ADAT3: variants seen among roughly 807,000 people sequenced by gnomAD.
ADAT3 encodes tRNA-specific adenosine-34 deaminase regulatory subunit ADAT3.
Under a neutral mutation model 3.5 loss-of-function variants are expected in ADAT3, and 2 were observed. The observed-to-expected ratio is 0.57, with a 90% CI of 0.23 to 1.79. The LOEUF is 1.79. Among genes scored for constraint, ADAT3 ranks in the 40% most tolerant of loss-of-function variants. ADAT3 has a pLI of 0.18. For synonymous variants in ADAT3, 358 were observed against 270.3 expected (o/e 1.32, Z -3.18); for missense variants, 735 against 571.4 (o/e 1.29, Z -2.92).
At position 1,913,213 on chromosome 19, in the gene ADAT3, T is replaced by C; in HGVS notation, c.*62T>C. 1.4e-6 allele frequency: 2 copies of C among 1,457,034 alleles called. No individual in the cohort carries two copies. The highest frequency in any genetic ancestry group is 1.8e-6 in the Non-Finnish European group (2 of 1,104,936). The allele number at this position is 1,457,034 out of a possible 1,614,324, so 90.3% of individuals were successfully genotyped here. A position where few individuals can be genotyped will look rare whatever the true frequency, so the allele number is the denominator to read the frequency against. On this transcript the variant is annotated 3_prime_UTR_variant, in exon 2 of 2. Coordinates refer to ENST00000329478, the MANE Select transcript of ADAT3 (RefSeq NM_138422.4). The stretch of plus-strand genomic sequence containing the variant: ...GGCCGTGGGGCGCCCCTCCTGGACT[T>C]CCGGGCCTCGATTTCTTCCGCACAA...
intron 1 of ADAT3, among the ~76,000 whole-genome samples, chr19:1,909,660 C>T (rs568847377): frequency 1.3e-5 from 2 of 152,306 alleles, no homozygotes; most frequent in South Asian, 2.1e-4. Flanking sequence ...GAGGTTCTCA[C>T]CCGAGAGCCG....
At chr19:1,911,268 C>T (rs545360665) in intron 1 of ADAT3, among the ~76,000 whole-genome samples, 1 of 152,110 alleles carries the variant, frequency 6.6e-6, no homozygotes, top group East Asian at 1.9e-4. Flanking sequence ...AATTTCCGGC[C>T]TCAAGTGCTC....
Position 1,912,403 on chromosome 19 carries a change from C to T in ADAT3, c.356C>T (p.Pro119Leu), listed in dbSNP as rs1430965718. 5.3e-6 allele frequency: 8 copies of T among 1,515,280 alleles called. No individual in the cohort carries two copies. Among genetic ancestry groups the T allele is most frequent in the East Asian group, 5.2e-5 (2 of 38,218 alleles). 93.9% of individuals were successfully genotyped at this position (1,515,280 alleles called of 1,614,324 possible). Residue 119 changes from proline (P) to leucine (L), a missense_variant, in exon 2 of 2, where the codon CCG (proline) becomes CTG (leucine). Coordinates refer to ENST00000329478, the MANE Select transcript of ADAT3 (RefSeq NM_138422.4). ...TGCCTGGCTGGGCCGGCCTCGGGCC[C>T]GCGCTCGCTGGCTGAGCTCCTGCCA... ...LLCLAGPASG[P>L]RSLAELLPRP...
Position 1,908,695 on chromosome 19 carries a change from C to T in ADAT3, c.-158-3195C>T, listed in dbSNP as rs4806818. The T allele has an allele frequency of 0.5, 202,694 of 408,916 alleles. 56,083 individuals are homozygous for T. The highest frequency in any genetic ancestry group is 0.61 in the Non-Finnish European group (125,527 of 205,240). 25.3% of individuals were successfully genotyped at this position (408,916 alleles called of 1,614,324 possible). A position where few individuals can be genotyped will look rare whatever the true frequency, so the allele number is the denominator to read the frequency against. On this transcript the variant is annotated intron_variant, in intron 1 of 1. Coordinates refer to ENST00000329478, the MANE Select transcript of ADAT3 (RefSeq NM_138422.4). The surrounding 1 kb of genome is among the most constrained non-coding windows in gnomAD (Gnocchi z 4.2). Reference sequence around the variant, plus strand: ...TTATTTGAAAAAAGGAACAGGGTCTCTCTATCTTGCCCACGTTGGTCTCAA... The same window carrying T: ...TTATTTGAAAAAAGGAACAGGGTCTTTCTATCTTGCCCACGTTGGTCTCAA...
Position 1,912,766 on chromosome 19 carries a change from C to G in ADAT3, c.719C>G (p.Ala240Gly), listed in dbSNP as rs1212965737. The stretch of plus-strand genomic sequence containing the variant: ...TGCGCGGACAACCCCCTCCTGCACG[C>G]CGTCATGGTGTGCGTGGACCTCGTG... ...CSCADNPLLH[A>G]VMVCVDLVAR... The change falls in exon 2 of 2, where the codon GCC becomes GGC. Residue 240 changes from alanine to glycine, a missense_variant. Transcript: ENST00000329478. 4 of 1,560,736 alleles carry G rather than the reference C, an allele frequency of 2.6e-6. No individual in the cohort carries two copies. In the Admixed American group the frequency reaches 7.3e-5, roughly 29 times the overall value.
intron 1 of ADAT3, chr19:1,907,184 C>CAA (rs952315196): frequency 1.5e-5 from 2 of 135,308 alleles, no homozygotes; most frequent in Non-Finnish European, 1.6e-5. Flanking sequence ...GAGACTGTCC[C>CAA]AAAAAAAAAA....
Position 1,912,987 on chromosome 19 carries a change from C to G in ADAT3, c.940C>G (p.Leu314Val), listed in dbSNP as rs76159002. 1.9e-6 allele frequency: 3 copies of G among 1,609,082 alleles called. No individual in the cohort carries two copies. The highest frequency in any genetic ancestry group is 2.5e-6 in the Non-Finnish European group (3 of 1,179,322). Residue 314 changes from leucine (L) to valine (V), a missense_variant, in exon 2 of 2, where the codon CTG becomes GTG. Coordinates refer to ENST00000329478, the MANE Select transcript of ADAT3 (RefSeq NM_138422.4). ...REPCAMCAMA[L>V]VHARILRVFY... is the part of the protein sequence containing the mutation. ...GCCCTGCGCCATGTGCGCCATGGCC[C>G]TGGTGCACGCACGCATCCTGCGCGT...
rs760797955 is a variant in ADAT3, at chr19:1,913,025, G to A, written c.978G>A (p.Ala326=). 1.4e-5 allele frequency: 22 copies of A among 1,605,038 alleles called. No individual in the cohort carries two copies. The highest frequency in any genetic ancestry group is 4.5e-5 in the East Asian group (2 of 44,850). The stretch of plus-strand genomic sequence containing the variant: ...GCATCCTGCGCGTCTTCTACGGTGC[G>A]CCCTCGCCCGACGGCGCCCTGGGCA... ...HARILRVFYG[A]PSPDGALGTR... The change falls in exon 2 of 2, where the codon GCG becomes GCA. Residue 326 remains alanine (A), a synonymous_variant. Coordinates refer to ENST00000329478, the MANE Select transcript of ADAT3 (RefSeq NM_138422.4).
Position 1,908,471 on chromosome 19 carries a change from G to C in ADAT3, c.-159+3032G>C, listed in dbSNP as rs773012581. Reference sequence around the variant, plus strand: ...CTGCGCGGCTGCGAAATGATCCAGAGACACATCCCTGTCTGCGGGAGGAGC... The same window carrying C: ...CTGCGCGGCTGCGAAATGATCCAGACACACATCCCTGTCTGCGGGAGGAGC... On this transcript the variant is annotated intron_variant, in intron 1 of 1. Transcript: ENST00000329478. The surrounding 1 kb of genome is among the most constrained non-coding windows in gnomAD (Gnocchi z 4.2). The C allele has an allele frequency of 3.0e-5, 14 of 470,858 alleles. No individual in the cohort carries two copies. The highest frequency in any genetic ancestry group is 2.2e-4 in the South Asian group (14 of 64,570). 29.2% of individuals were successfully genotyped at this position (470,858 alleles called of 1,614,324 possible).
At position 1,913,266 on chromosome 19, in the gene ADAT3, AC is replaced by A; in HGVS notation, c.*117del. 1 of 1,394,388 alleles carries A rather than the reference AC, an allele frequency of 7.2e-7. No individual in the cohort carries two copies. The highest frequency in any genetic ancestry group is 1.5e-5 in the South Asian group (1 of 65,910). 86.4% of individuals were successfully genotyped at this position (1,394,388 alleles called of 1,614,324 possible). A position where few individuals can be genotyped will look rare whatever the true frequency, so the allele number is the denominator to read the frequency against. On this transcript the variant is annotated 3_prime_UTR_variant, in exon 2 of 2. Coordinates refer to ENST00000329478, the MANE Select transcript of ADAT3 (RefSeq NM_138422.4). ...CTGACCGTGGATTTCAGGGACACAT[AC>A]CGCCTCCAGCGGGGAGCACGGGTGC...
chr19:1,913,408 G>T lies in ADAT3; in HGVS notation c.*257G>T, dbSNP rs2013607692. ...TGTGTCCCCTCTGTCTCGCGGGCCGGGAAACTGCTCTGATGGGAAAATAAA... is the reference window on the plus strand; with the variant it reads ...TGTGTCCCCTCTGTCTCGCGGGCCGTGAAACTGCTCTGATGGGAAAATAAA... On this transcript the variant is annotated 3_prime_UTR_variant, in exon 2 of 2. Transcript: ENST00000329478. The T allele has an allele frequency of 6.8e-6, 4 of 591,092 alleles. No individual in the cohort carries two copies. The allele number at this position is 591,092 out of a possible 1,614,324, so 36.6% of individuals were successfully genotyped here.
intron 1 of ADAT3, among the ~76,000 whole-genome samples, 184 bp from the exon 2 acceptor site, chr19:1,911,706 C>T (rs1337771186): frequency 1.3e-5 from 2 of 152,132 alleles, no homozygotes; most frequent in Admixed American, 6.5e-5. Context: ...TAGCTTGAAC[C>T]CGGGAGGCGG....
rs771938043 is a variant in ADAT3, at chr19:1,912,155, G to C, written c.108G>C (p.Glu36Asp). ...AGTGCTTGGAGGCCGGGAGCCCGGA[G>C]CCTGAGCCGGCGCCGTGGCAGGCCC... ...QPKCLEAGSPEPEPAPWQALP... is the reference protein window; with the variant it reads ...QPKCLEAGSPDPEPAPWQALP... The change falls in exon 2 of 2, where the codon GAG becomes GAC. Residue 36 changes from glutamate to aspartate, a missense_variant. Glu to Asp is a conservative substitution (Grantham distance 45). Transcript: ENST00000329478. The C allele has an allele frequency of 8.1e-5, 127 of 1,568,450 alleles. No individual in the cohort carries two copies. Among genetic ancestry groups the C allele is most frequent in the Non-Finnish European group, 1.0e-4 (120 of 1,162,276 alleles).
In ADAT3 at chr19:1,910,609, G is replaced by A. The variant is rs182704977; in HGVS notation, c.-158-1281G>A. ...TTTTTTTTTTTTGAGACAGAGTCTC[G>A]CTCTGTCACCAGGCTGGAGTGCAGT... On this transcript the variant is annotated intron_variant, in intron 1 of 1. Coordinates refer to ENST00000329478, the MANE Select transcript of ADAT3 (RefSeq NM_138422.4). Among the ~76,000 whole-genome samples, 458 of 134,858 alleles carry A rather than the reference G, an allele frequency of 3.4e-3. 3 individuals carry two copies. Among genetic ancestry groups the A allele is most frequent in the African/African-American group, 0.012 (431 of 35,502 alleles). 88.5% of individuals were successfully genotyped at this position (134,858 alleles called of 152,430 possible).
intron 1 of ADAT3, among the ~76,000 whole-genome samples, chr19:1,909,098 C>G (rs1288368965): frequency 7.0e-6 from 1 of 143,654 alleles, no homozygotes; most frequent in African/African-American, 2.6e-5. Flanking sequence ...GAGTGAGACT[C>G]TGTCTGAAAA....
At chr19:1,909,285 AG>A (rs2013308260) in intron 1 of ADAT3, among the ~76,000 whole-genome samples, 1 of 152,118 alleles carries the variant, frequency 6.6e-6, no homozygotes, top group Admixed American at 6.5e-5. Context: ...GCTGTCCCCC[AG>A]GGCCCTGTGA....
chr19:1,911,947 C>T lies in ADAT3; in HGVS notation c.-101C>T, dbSNP rs115976838. 3,666 of 1,381,686 alleles carry T rather than the reference C, an allele frequency of 2.7e-3. 85 individuals are homozygous for T. In the African/African-American group the frequency reaches 0.051, roughly 19 times the overall value. The allele number at this position is 1,381,686 out of a possible 1,614,324, so 85.6% of individuals were successfully genotyped here. ...ATGCGGTGACCTGGGCCGGAGCCCT[C>T]GGACTAGCCTCAGCTTTGGTGGCAG... On this transcript the variant is annotated 5_prime_UTR_variant, in exon 2 of 2. Transcript: ENST00000329478.
chr19:1,911,840 AT>A, intron 1 of ADAT3, 49 bp from the exon 2 acceptor site: 1 of 467,574 alleles, frequency 2.1e-6, no homozygotes, highest in Admixed American at 4.3e-5. Context: ...TAGGTGAATT[AT>A]ATCTTCGTTT....
At chr19:1,909,196 G>T (rs928290375) in intron 1 of ADAT3, among the ~76,000 whole-genome samples, 3 of 152,148 alleles carry the variant, frequency 2.0e-5, no homozygotes, top group African/African-American at 7.2e-5. Flanking sequence ...AGATGCAGGT[G>T]GGGGAAGGCT....
Sources: gnomAD v4.1 joint callset for allele counts (sites outside exome capture counted in the v4.1 genomes callset) on GRCh38, gnomAD v4.1.1 for gene constraint, Gnocchi (gnomAD v3.1) non-coding constraint, MANE v1.5 for transcripts, NCBI Gene and HGNC (gene_info 2026-07-23, HGNC 2026-07-21) for gene names.